C5orf34: variants seen among roughly 807,000 people sequenced by gnomAD.
C5orf34 encodes the protein uncharacterized protein C5orf34.
C5orf34 carries 73 observed loss-of-function variants against 78.4 expected under a neutral mutation model. The observed-to-expected ratio is 0.93, with a 90% CI of 0.77 to 1.13. The LOEUF (loss-of-function observed/expected upper bound fraction) is 1.13, where lower values mean the gene tolerates loss of function less well. Among genes scored for constraint, C5orf34 ranks in the 50% most tolerant of loss-of-function variants. The pLI is 0.00. For synonymous variants in C5orf34, 251 were observed against 246.6 expected, an observed-to-expected ratio of 1.02 and a Z score of -0.17; for missense variants, 730 against 732.7, an observed-to-expected ratio of 1.00 and a Z score of 0.04.
intron 6 of C5orf34, among the ~76,000 whole-genome samples, chr5:43,500,857 T>C (rs536561218): frequency 3.9e-4 from 59 of 152,240 alleles, no homozygotes; most frequent in Middle Eastern, 6.3e-3. Flanking sequence ...AAGTTTGGTT[T>C]CTTACATTTA....
At chr5:43,501,341 TAACTGAACACAA>T (rs1745750461) in intron 6 of C5orf34, among the ~76,000 whole-genome samples, 1 of 121,608 alleles carries the variant, frequency 8.2e-6, no homozygotes, top group South Asian at 3.2e-4. Flanking sequence ...TTTGCCTGTC[TAACTGAACACAA>T]GACTGTGAAC....
At chr5:43,498,955 G>A (rs1364796035) in intron 6 of C5orf34, among the ~76,000 whole-genome samples, 5 of 152,058 alleles carry the variant, frequency 3.3e-5, no homozygotes, top group South Asian at 2.1e-4. Context: ...CTCCACACTC[G>A]CCCCAGGCTC....
rs1468635310 is a variant in C5orf34, at chr5:43,506,260, CT to C, written c.419del (p.Gln140ArgfsTer34). ...ACAAAAAATGTACTGTAAATTCATG[CT>C]GAGATCTGGGCAGGCAGAGGTATGC... ...GHAYLCLPRSQHEFTVHFLCK... is the reference protein window; with the variant it reads ...GHAYLCLPRSXHEFTVHFLCK... On this transcript the variant is annotated frameshift_variant, in exon 4 of 13. Coordinates refer to ENST00000306862, the MANE Select transcript of C5orf34 (RefSeq NM_198566.4). LOFTEE classifies it high-confidence loss of function. 1 of 1,614,166 alleles carries C rather than the reference CT, an allele frequency of 6.2e-7. No individual in the cohort carries two copies.
intron 2 of C5orf34, 78 bp downstream of exon 2, chr5:43,509,067 T>C (rs1199785363): frequency 3.5e-6 from 4 of 1,151,550 alleles, no homozygotes; most frequent in Non-Finnish European, 5.0e-6. Flanking sequence ...GTAGTGCCAC[T>C]GTACTCCAGC....
chr5:43,498,216 G>C (rs1745620399), intron 6 of C5orf34, among the ~76,000 whole-genome samples: 1 of 152,174 alleles, frequency 6.6e-6, no homozygotes. Context: ...ACAGTGCTTA[G>C]CACATGGGAA....
chr5:43,507,248 G>A (rs1579878169), intron 3 of C5orf34, among the ~76,000 whole-genome samples: 2 of 152,240 alleles, frequency 1.3e-5, no homozygotes, highest in African/African-American at 2.4e-5. Flanking sequence ...GATATTGCGT[G>A]AGAGGTTTTT....
chr5:43,509,088 G>C (rs1746110686), intron 2 of C5orf34, 57 bp downstream of exon 2: 4 of 1,409,996 alleles, frequency 2.8e-6, no homozygotes, highest in Non-Finnish European at 3.9e-6. Context: ...CTGGGTGACA[G>C]AGCAAGAACC....
intron 6 of C5orf34, among the ~76,000 whole-genome samples, chr5:43,497,538 T>G (rs1397956665): frequency 6.6e-6 from 1 of 151,994 alleles, no homozygotes; most frequent in African/African-American, 2.4e-5. Flanking sequence ...CAGACAGATG[T>G]GGATTCAAAT....
intron 6 of C5orf34, 22 bp downstream of exon 6, chr5:43,502,345 CTTGAG>C (rs750723797): frequency 6.2e-7 from 1 of 1,609,312 alleles, no homozygotes. Context: ...CAAAACTCTT[CTTGAG>C]TTGAGTTCAT....
chr5:43,503,302 T>C (rs527865938), intron 5 of C5orf34, among the ~76,000 whole-genome samples: 1 of 152,324 alleles, frequency 6.6e-6, no homozygotes, highest in African/African-American at 2.4e-5. Flanking sequence ...ACTTCTCTAA[T>C]TCCATGCTCA....
chr5:43,512,386 A>T (rs142895825), intron 1 of C5orf34, among the ~76,000 whole-genome samples: 5 of 152,286 alleles, frequency 3.3e-5, no homozygotes, highest in African/African-American at 1.2e-4. Flanking sequence ...TGTAGTATTC[A>T]CTCACTACCA....
Position 43,514,967 on chromosome 5 carries a change from T to C in C5orf34, c.-198A>G, listed in dbSNP as rs1746425702. The C allele has an allele frequency of 6.6e-6, 1 of 151,964 alleles. No homozygotes were observed. The highest frequency in any genetic ancestry group is 1.5e-5 in the Non-Finnish European group (1 of 68,006). The allele number at this position is 151,964 out of a possible 1,614,324, so 9.4% of individuals were successfully genotyped here. A position where few individuals can be genotyped will look rare whatever the true frequency, so the allele number is the denominator to read the frequency against. ...ATTACCAGCGAGTGATATTTCTTGG[T>C]GAAAGAAAAAAATCACAACCCTAGA... On this transcript the variant is annotated 5_prime_UTR_variant, in exon 1 of 13. Coordinates refer to ENST00000306862, the MANE Select transcript of C5orf34 (RefSeq NM_198566.4).
At chr5:43,507,603 C>A (rs72758661) in intron 3 of C5orf34, among the ~76,000 whole-genome samples, 2,200 of 152,164 alleles carry the variant, frequency 0.014, 15 homozygotes, top group Non-Finnish European at 0.023. Context: ...TGCCACGAGA[C>A]AATATAAAAT....
chr5:43,501,662 C>T (rs777584809), intron 6 of C5orf34, among the ~76,000 whole-genome samples: 24 of 151,964 alleles, frequency 1.6e-4, no homozygotes, highest in Non-Finnish European at 3.1e-4. Flanking sequence ...TTTGAAATTT[C>T]CATAGTTAAA....
chr5:43,493,403 G>T, intron 8 of C5orf34, 140 bp downstream of exon 8: 1 of 586,260 alleles, frequency 1.7e-6, no homozygotes. Flanking sequence ...TACTAGGTAG[G>T]TATTTTTCTG....
intron 7 of C5orf34, among the ~76,000 whole-genome samples, chr5:43,494,049 G>T (rs571485755): frequency 6.6e-5 from 10 of 152,082 alleles, no homozygotes; most frequent in Non-Finnish European, 1.2e-4. Context: ...CAGTCCACTT[G>T]CATTCTTCTG....
intron 1 of C5orf34, among the ~76,000 whole-genome samples, chr5:43,510,592 T>C (rs910184512): frequency 6.6e-6 from 1 of 152,104 alleles, no homozygotes; most frequent in Non-Finnish European, 1.5e-5. Flanking sequence ...AGGCGCGCGC[T>C]GCCACGCCTG....
chr5:43,512,667 C>T lies in C5orf34; in HGVS notation c.-37+2139G>A, dbSNP rs114527842. 5.4e-3 allele frequency among the ~76,000 whole-genome samples: 823 copies of T among 151,936 alleles called. 11 individuals are homozygous for T. Among genetic ancestry groups the T allele is most frequent in the African/African-American group, 0.019 (800 of 41,324 alleles). ...AGTTTAATCATTCTTCTTCACCATTCCCTTAAATCAAGGATTCTTCAAGAC... is the reference window on the plus strand; with the variant it reads ...AGTTTAATCATTCTTCTTCACCATTTCCTTAAATCAAGGATTCTTCAAGAC... On this transcript the variant is annotated intron_variant, in intron 1 of 12. Transcript: ENST00000306862.
chr5:43,494,214 G>A (rs1291146132), intron 7 of C5orf34, among the ~76,000 whole-genome samples: 1 of 152,006 alleles, frequency 6.6e-6, no homozygotes, highest in East Asian at 1.9e-4. Context: ...TGATTTCAAG[G>A]AACAATAATG....
Sources: allele counts gnomAD v4.1 joint callset (sites outside exome capture counted in the v4.1 genomes callset), GRCh38; gene constraint gnomAD v4.1.1; transcripts MANE v1.5; gene names NCBI Gene and HGNC (gene_info 2026-07-23, HGNC 2026-07-21).